Variants in KIF22 observed in about 807,000 individuals in gnomAD.
KIF22 encodes kinesin family member 22, also known as kinesin-like protein KIF22.
Under a neutral mutation model 73.0 loss-of-function variants are expected in KIF22, and 62 were observed. That is an observed-to-expected ratio of 0.85 (90% confidence interval 0.69 to 1.05). The LOEUF (loss-of-function observed/expected upper bound fraction) is 1.05. Ranked by LOEUF, KIF22 falls within the 50% of genes least tolerant of loss-of-function variation. The pLI is 0.00. For synonymous variants in KIF22, 411 were observed against 340.1 expected, an observed-to-expected ratio of 1.21 and a Z score of -2.29; for missense variants, 854 against 870.1, an observed-to-expected ratio of 0.98 and a Z score of 0.23.
intron 9 of KIF22, 43 bp downstream of exon 9, chr16:29,802,980 T>C (rs757548979): frequency 6.3e-7 from 1 of 1,582,810 alleles, no homozygotes; most frequent in South Asian, 1.1e-5. Flanking sequence ...CTATTGGCCT[T>C]GAGAAGCAAT....
At chr16:29,795,395 G>C (rs1273711342) in intron 1 of KIF22, among the ~76,000 whole-genome samples, 1 of 152,202 alleles carries the variant, frequency 6.6e-6, no homozygotes, top group Admixed American at 6.5e-5. Flanking sequence ...GGGGTCATCT[G>C]TCTGCCTTTT....
chr16:29,801,126 C>A (rs982439821), intron 8 of KIF22, among the ~76,000 whole-genome samples: 1 of 152,146 alleles, frequency 6.6e-6, no homozygotes. Context: ...GTCCTAACTG[C>A]GTCTACCCTC....
rs773682218 is a variant in KIF22, at chr16:29,804,994, G to A, written c.1858G>A (p.Gly620Ser). The change falls in exon 12 of 14, where the codon GGC becomes AGC. Residue 620 changes from glycine (G) to serine (S), a missense_variant. Transcript: ENST00000160827. ...IGPKKAQLIV[G>S]WRELHGPFSQ... Reference sequence around the variant, plus strand: ...CCCGAAGAAGGCCCAGCTAATCGTGGGCTGGCGGGAGCTCCACGGCCCCTT... The same window carrying A: ...CCCGAAGAAGGCCCAGCTAATCGTGAGCTGGCGGGAGCTCCACGGCCCCTT... 6.2e-7 allele frequency: 1 copy of A among 1,610,840 alleles called. No individual in the cohort carries two copies. The highest frequency in any genetic ancestry group is 2.2e-5 in the East Asian group (1 of 44,864).
chr16:29,791,317 T>A, intron 1 of KIF22: 1 of 883,724 alleles, frequency 1.1e-6, no homozygotes, highest in Non-Finnish European at 1.4e-6. Flanking sequence ...CAGACCCGGC[T>A]GCTGCTGGGT....
At chr16:29,793,823 C>T (rs1362432749) in intron 1 of KIF22, among the ~76,000 whole-genome samples, 1 of 151,970 alleles carries the variant, frequency 6.6e-6, no homozygotes, top group African/African-American at 2.4e-5. Context: ...GAGGAGTGAA[C>T]AGAAAACTAG....
rs772948493 is a variant in KIF22, at chr16:29,799,997, T to C, written c.1229T>C (p.Ile410Thr). The change falls in exon 8 of 14, where the codon ATC (isoleucine) becomes ACC (threonine). Residue 410 changes from isoleucine to threonine, a missense_variant. This residue lies in a region of KIF22 where 423 missense variants were observed against 365.4 expected (regional missense o/e 1.16). Transcript: ENST00000160827. ...GCCCGAGGCCCTGAGGAAGAGGAGA[T>C]CGGGAGCCCTGAGCCCATGGCAGCT... is the stretch of plus-strand genomic sequence containing the variant. ...KRARGPEEEE[I>T]GSPEPMAAPA... 3.1e-6 allele frequency: 5 copies of C among 1,613,930 alleles called. 1 individual carries two copies. In the South Asian group the frequency reaches 3.3e-5, roughly 11 times the overall value.
chr16:29,804,271 A>G (rs563684381), intron 11 of KIF22: 6 of 618,750 alleles, frequency 9.7e-6, no homozygotes, highest in African/African-American at 7.3e-5. Flanking sequence ...ATGTGGATGT[A>G]CCTCGCAGAG....
At chr16:29,796,818 C>T (rs765828505) in intron 1 of KIF22, 75 bp from the exon 2 acceptor site, 44 of 1,424,682 alleles carry the variant, frequency 3.1e-5, no homozygotes, top group South Asian at 6.0e-5. Flanking sequence ...GCCCCCAGCC[C>T]GCCCAGCAAA....
At chr16:29,804,164 G>C (rs1899252434) in intron 11 of KIF22, 99 bp downstream of exon 11, 4 of 922,318 alleles carry the variant, frequency 4.3e-6, no homozygotes, top group Middle Eastern at 2.1e-4. Context: ...AAACGAACTG[G>C]ATGATGGCCG....
At chr16:29,803,769 C>G (rs557328057) in intron 10 of KIF22, among the ~76,000 whole-genome samples, 161 bp downstream of exon 10, 10 of 152,248 alleles carry the variant, frequency 6.6e-5, no homozygotes, top group African/African-American at 2.4e-4. Flanking sequence ...GTGCTCTGCC[C>G]TCGGGTGTTT....
chr16:29,799,790 TGG>T lies in KIF22; in HGVS notation c.1144+13_1144+14del, dbSNP rs760884338. On this transcript the variant is annotated intron_variant, in intron 7 of 13. Transcript: ENST00000160827. ...GAGCCTGCAGCCTCATGGTGAGAAC[TGG>T]GGGAGGCAGGAGTGGAAACGCTGGG... The T allele has an allele frequency of 1.9e-6, 3 of 1,613,814 alleles. No individual in the cohort carries two copies. The South Asian group carries it at 3.3e-5, about 18-fold the overall frequency.
At chr16:29,802,292 A>AG (rs1899167639) in intron 8 of KIF22, among the ~76,000 whole-genome samples, 1 of 150,330 alleles carries the variant, frequency 6.7e-6, no homozygotes, top group African/African-American at 2.5e-5. Flanking sequence ...AAAAAAAAAA[A>AG]GAATGTTAAG....
chr16:29,803,536 C>A lies in KIF22; in HGVS notation c.1537C>A (p.Arg513=). ...GGAGAACCATTGTCCCACAATGCTC[C>A]GGCCCCTTTCACATCGCACAGTCAC... ...EKENHCPTML[R]PLSHRTVTGA... The change falls in exon 10 of 14, where the codon CGG becomes AGG. Residue 513 remains arginine, a synonymous_variant. Transcript: ENST00000160827. The A allele has an allele frequency of 6.2e-7, 1 of 1,614,048 alleles. No homozygotes were observed. The highest frequency in any genetic ancestry group is 2.2e-5 in the East Asian group (1 of 44,884).
intron 1 of KIF22, among the ~76,000 whole-genome samples, chr16:29,795,406 C>T (rs956695850): frequency 6.6e-6 from 1 of 152,206 alleles, no homozygotes; most frequent in Non-Finnish European, 1.5e-5. Context: ...TCTGCCTTTT[C>T]GTCTTGCTGT....
At chr16:29,800,532 A>G (rs1160053416) in intron 8 of KIF22, among the ~76,000 whole-genome samples, 1 of 147,684 alleles carries the variant, frequency 6.8e-6, no homozygotes, top group African/African-American at 2.5e-5. Flanking sequence ...TGGGAGGCCA[A>G]GACGGGTGGA....
intron 1 of KIF22, among the ~76,000 whole-genome samples, chr16:29,791,615 T>C (rs1028839139): frequency 6.6e-6 from 1 of 152,254 alleles, no homozygotes; most frequent in African/African-American, 2.4e-5. Flanking sequence ...GCTCTTGCTA[T>C]GTGCCAGGCA....
intron 1 of KIF22, among the ~76,000 whole-genome samples, chr16:29,796,283 AAAC>A (rs1474646434): frequency 1.3e-5 from 2 of 150,026 alleles, no homozygotes; most frequent in African/African-American, 4.9e-5. Context: ...AAAAAAAAAA[AAAC>A]ACACACACAC....
At chr16:29,794,868 G>A (rs562970895) in intron 1 of KIF22, among the ~76,000 whole-genome samples, 7 of 152,004 alleles carry the variant, frequency 4.6e-5, no homozygotes, top group Non-Finnish European at 8.8e-5. Context: ...GAACCACTGC[G>A]CCCGGCCAAA....
chr16:29,795,928 T>A (rs1356253188), intron 1 of KIF22, among the ~76,000 whole-genome samples: 1 of 151,964 alleles, frequency 6.6e-6, no homozygotes, highest in Non-Finnish European at 1.5e-5. Flanking sequence ...GGTGGGTGGG[T>A]CTGTGAGTAT....
Sources: allele counts gnomAD v4.1 joint callset (sites outside exome capture counted in the v4.1 genomes callset), GRCh38; gene constraint gnomAD v4.1.1; regional missense constraint gnomAD v4.1.1; transcripts MANE v1.5; gene names NCBI Gene and HGNC (gene_info 2026-07-23, HGNC 2026-07-21).